Variants in PRSS3 observed in about 807,000 individuals in gnomAD.
PRSS3 encodes trypsin-3.
Under a neutral mutation model 20.8 loss-of-function variants are expected in PRSS3, and 14 were observed. The observed-to-expected ratio is 0.67, with a 90% CI of 0.44 to 1.05. PRSS3 has a LOEUF of 1.05. Among genes scored for constraint, PRSS3 ranks in the 50% least tolerant of loss-of-function variants. The pLI, the probability that PRSS3 is intolerant of heterozygous loss-of-function variation, is 0.00. For missense variants in PRSS3, 237 were observed against 306.4 expected, an observed-to-expected ratio of 0.77 and a Z score of 1.69; for synonymous variants, 91 against 117.6, an observed-to-expected ratio of 0.77 and a Z score of 1.46.
intron 2 of PRSS3, among the ~76,000 whole-genome samples, chr9:33,797,260 G>A (rs956529407): frequency 5.0e-5 from 6 of 120,216 alleles, no homozygotes; most frequent in Non-Finnish European, 7.5e-5. Flanking sequence ...CTGAGTATGC[G>A]TCAAAACCAC....
intron 1 of PRSS3, among the ~76,000 whole-genome samples, chr9:33,785,159 AATTTTTT>A (rs1824337954): frequency 9.9e-6 from 1 of 100,624 alleles, no homozygotes; most frequent in African/African-American, 4.5e-5. Flanking sequence ...CATTGTGGTC[AATTTTTT>A]TTTTTTTTTT....
At chr9:33,770,864 A>G (rs1394583374) in intron 1 of PRSS3, among the ~76,000 whole-genome samples, 3 of 152,248 alleles carry the variant, frequency 2.0e-5, no homozygotes, top group Non-Finnish European at 4.4e-5. Context: ...CCATTCAGCC[A>G]TCAAAAGGAC....
In PRSS3 at chr9:33,750,832, G is replaced by A. The variant is rs1156339733; in HGVS notation, c.-53+105G>A. ...TGTGATGGAGAGGGGGTTCCGACTC[G>A]CATGGGACCTGCGGGGGAGGGTACG... is the stretch of plus-strand genomic sequence containing the variant. On this transcript the variant is annotated intron_variant, in intron 1 of 5. Coordinates refer to the PRSS3 transcript ENST00000342836. This position sits in a 1 kb window ranked among gnomAD's most constrained non-coding sequence, Gnocchi z 4.8. The A allele has an allele frequency of 7.2e-7, 1 of 1,391,380 alleles. No homozygotes were observed. Among genetic ancestry groups the A allele is most frequent in the Non-Finnish European group, 9.3e-7 (1 of 1,079,320 alleles). The allele number at this position is 1,391,380 out of a possible 1,614,324, so 86.2% of individuals were successfully genotyped here.
intron 1 of PRSS3, among the ~76,000 whole-genome samples, chr9:33,763,630 C>T (rs1300572180): frequency 5.7e-5 from 8 of 140,884 alleles, no homozygotes; most frequent in South Asian, 2.3e-4. Flanking sequence ...ACCCGGGAGG[C>T]GGAGCTTGCA....
At chr9:33,761,248 G>A (rs1405765180) in intron 1 of PRSS3, among the ~76,000 whole-genome samples, 2 of 152,210 alleles carry the variant, frequency 1.3e-5, no homozygotes, top group Non-Finnish European at 2.9e-5. Flanking sequence ...TCAGTACTGA[G>A]CATACGCACT....
chr9:33,763,734 G>C (rs1173460875), intron 1 of PRSS3, among the ~76,000 whole-genome samples: 3 of 150,510 alleles, frequency 2.0e-5, no homozygotes, highest in African/African-American at 7.3e-5. Context: ...AAATGATATA[G>C]GGTAAAGAGA....
At chr9:33,751,289 C>G (rs1822686376) in intron 1 of PRSS3, among the ~76,000 whole-genome samples, 1 of 152,188 alleles carries the variant, frequency 6.6e-6, no homozygotes, top group Non-Finnish European at 1.5e-5. Flanking sequence ...TTCCTGAGGC[C>G]AGGAAGCCTG....
At chr9:33,788,311 CTCT>C (rs1824494997) in intron 1 of PRSS3, among the ~76,000 whole-genome samples, 1 of 152,184 alleles carries the variant, frequency 6.6e-6, no homozygotes, top group Admixed American at 6.5e-5. Context: ...CAACGACCCC[CTCT>C]TCTTCTTTTG....
At chr9:33,776,787 A>G (rs1219752783) in intron 1 of PRSS3, among the ~76,000 whole-genome samples, 2 of 152,196 alleles carry the variant, frequency 1.3e-5, no homozygotes, top group Non-Finnish European at 2.9e-5. Flanking sequence ...AGAAAAAAAT[A>G]TGAAAAAATT....
chr9:33,786,027 A>C, intron 1 of PRSS3: 1 of 249,302 alleles, frequency 4.0e-6, no homozygotes, highest in Non-Finnish European at 7.6e-6. Flanking sequence ...AGGCTTGTGC[A>C]TGAAGACTCA....
upstream of PRSS3, among the ~76,000 whole-genome samples, chr9:33,791,487 C>T (rs938354882): frequency 6.6e-6 from 1 of 152,206 alleles, no homozygotes; most frequent in African/African-American, 2.4e-5. Context: ...TATCACCAAA[C>T]CCAGCTTGTG....
At chr9:33,781,772 T>C (rs1824194590) in intron 1 of PRSS3, among the ~76,000 whole-genome samples, 1 of 152,236 alleles carries the variant, frequency 6.6e-6, no homozygotes, top group Admixed American at 6.5e-5. Context: ...AAAAGCTGAT[T>C]CTAGAAGGTA....
At chr9:33,767,083 T>G (rs1317051707) in intron 1 of PRSS3, among the ~76,000 whole-genome samples, 1 of 151,968 alleles carries the variant, frequency 6.6e-6, no homozygotes, top group Non-Finnish European at 1.5e-5. Context: ...CTTAGTAAAG[T>G]TGTTGAAATA....
intron 1 of PRSS3, among the ~76,000 whole-genome samples, chr9:33,752,168 G>C (rs1822729135): frequency 6.6e-6 from 1 of 151,996 alleles, no homozygotes. Context: ...GGCCACACCT[G>C]TTCCCATTTA....
rs372689198 is a variant in PRSS3 at position 33,771,205 on chromosome 9, C to T, written c.-53+20478C>T. Among the ~76,000 whole-genome samples the T allele has an allele frequency of 9.2e-5, 14 of 152,262 alleles. No homozygotes were observed. In the East Asian group the frequency reaches 2.5e-3, roughly 27 times the overall value. ...CTTTGTTATTGAAATCCCACTTACT[C>T]CCTCTTAGAGCATGTTCTTCTCCCT... On this transcript the variant is annotated intron_variant, in intron 1 of 5. Transcript: ENST00000342836.
At chr9:33,798,437 G>T in intron 3 of PRSS3, 49 bp from the exon 4 acceptor site, 1 of 1,609,638 alleles carries the variant, frequency 6.2e-7, no homozygotes, top group Non-Finnish European at 8.5e-7. Context: ...CTCCTTCTCT[G>T]GCCTCACCCA....
intron 1 of PRSS3, among the ~76,000 whole-genome samples, chr9:33,752,668 C>G (rs1019951670): frequency 3.3e-5 from 5 of 152,196 alleles, no homozygotes; most frequent in Admixed American, 3.3e-4. Flanking sequence ...TTTAACCAGC[C>G]AGCCCTCTCC....
Position 33,771,734 on chromosome 9 carries a change from G to A in PRSS3, c.-53+21007G>A, listed in dbSNP as rs1412515174. On this transcript the variant is annotated intron_variant, in intron 1 of 5. Coordinates refer to the PRSS3 transcript ENST00000342836. ...TGGCTCACTGCAGCCTCAACCTCCT[G>A]AGTAGCTGGGACTACAGGCATGCAC... 3.4e-5 allele frequency among the ~76,000 whole-genome samples: 5 copies of A among 149,134 alleles called. No homozygotes were observed. In the East Asian group the frequency reaches 5.9e-4, roughly 18 times the overall value.
chr9:33,793,111 A>C (rs1470494682), upstream of PRSS3, among the ~76,000 whole-genome samples: 1 of 152,244 alleles, frequency 6.6e-6, no homozygotes, highest in Non-Finnish European at 1.5e-5. Context: ...TTTAAGGAAG[A>C]GCGCAAAATA....
Sources: gnomAD v4.1 joint callset for allele counts (sites outside exome capture counted in the v4.1 genomes callset) on GRCh38, gnomAD v4.1.1 for gene constraint, Gnocchi (gnomAD v3.1) non-coding constraint, MANE v1.5 for transcripts, NCBI Gene and HGNC (gene_info 2026-07-23, HGNC 2026-07-21) for gene names.